The following BLTP2 variants were observed in gnomAD, a reference collection of about 807,000 sequenced individuals.
The protein encoded by BLTP2 is U937-associated antigen.
the BLTP2 span, chr17:28,644,308 C>G: frequency 9.3e-7 from 1 of 1,070,272 alleles, no homozygotes; most frequent in Non-Finnish European, 1.4e-6. Flanking sequence ...AGCAACTCTC[C>G]TTTCTTCCAA....
the BLTP2 span, chr17:28,628,701 G>A: frequency 3.5e-5 from 24 of 687,236 alleles, no homozygotes; most frequent in South Asian, 1.8e-4. Context: ...TTGGGAGGCC[G>A]AAGTGGGCAA....
chr17:28,617,170 C>A, the BLTP2 span: 2 of 1,394,000 alleles, frequency 1.4e-6, no homozygotes, highest in Non-Finnish European at 2.0e-6. Context: ...ACTGAAGGGC[C>A]GTTATAAATG....
the BLTP2 span, chr17:28,643,494 C>T: frequency 7.4e-7 from 1 of 1,357,634 alleles, no homozygotes; most frequent in Non-Finnish European, 1.0e-6. Flanking sequence ...AGGAAGACTT[C>T]AGCAACAACC....
the BLTP2 span, chr17:28,617,014 G>A: frequency 6.3e-7 from 1 of 1,577,616 alleles, no homozygotes; most frequent in South Asian, 1.1e-5. Context: ...AGGATAGAGA[G>A]TAAAGAAGAG....
the BLTP2 span, among the ~76,000 whole-genome samples, chr17:28,630,957 T>A: frequency 6.6e-6 from 1 of 152,198 alleles, no homozygotes; most frequent in Admixed American, 6.5e-5. Flanking sequence ...AAAAGAAGGA[T>A]GCTGATACAG....
At chr17:28,618,044 T>C in the BLTP2 span, among the ~76,000 whole-genome samples, 13 of 150,974 alleles carry the variant, frequency 8.6e-5, no homozygotes, top group African/African-American at 3.2e-4. Context: ...ACGATTCTCC[T>C]GCCTCAGCCT....
At chr17:28,620,740 G>A in the BLTP2 span, 1 of 1,258,656 alleles carries the variant, frequency 7.9e-7, no homozygotes, top group South Asian at 1.4e-5. Context: ...CACAGAAAGG[G>A]TGAGAGTTGC....
At chr17:28,642,880 A>G in the BLTP2 span, 1 of 1,588,594 alleles carries the variant, frequency 6.3e-7, no homozygotes, top group Admixed American at 1.7e-5. Context: ...TTTTCCCATC[A>G]CTATCCAAAA....
the BLTP2 span, chr17:28,644,145 C>G: frequency 6.2e-7 from 1 of 1,614,254 alleles, no homozygotes; most frequent in Non-Finnish European, 8.5e-7. Context: ...CCGCCTGCAG[C>G]TTCCGCTGAC....
chr17:28,631,890 T>C, the BLTP2 span: 35 of 1,614,116 alleles, frequency 2.2e-5, no homozygotes, highest in East Asian at 8.9e-5. Context: ...GGATGCCCCG[T>C]TGCTGGGCAA....
chr17:28,643,590 T>A, the BLTP2 span: 1 of 1,607,226 alleles, frequency 6.2e-7, no homozygotes, highest in Non-Finnish European at 8.5e-7. Context: ...AGGGGAGAAG[T>A]GAGAATATAG....
chr17:28,616,353 T>A, the BLTP2 span: 3 of 1,614,124 alleles, frequency 1.9e-6, no homozygotes, highest in Non-Finnish European at 2.5e-6. This position sits in a 1 kb window ranked among gnomAD's most constrained non-coding sequence, Gnocchi z 4.8. Context: ...CTCCCATTTT[T>A]CTATCATCAG....
At chr17:28,632,093 G>A in the BLTP2 span, 8 of 1,614,182 alleles carry the variant, frequency 5.0e-6, no homozygotes, top group South Asian at 8.8e-5. Flanking sequence ...TGCTTGTAGT[G>A]CTGACCAAGT....
chr17:28,638,374 C>T, the BLTP2 span: 30 of 1,614,040 alleles, frequency 1.9e-5, no homozygotes, highest in Admixed American at 3.3e-4. Context: ...ACAGTTAGGA[C>T]GCCCCGCTGA....
the BLTP2 span, among the ~76,000 whole-genome samples, chr17:28,640,934 T>C: frequency 2.0e-5 from 3 of 152,238 alleles, no homozygotes; most frequent in Non-Finnish European, 4.4e-5. Context: ...TAGGGCCAAA[T>C]AATTTAAACA....
the BLTP2 span, chr17:28,619,574 GAC>G: frequency 6.4e-7 from 1 of 1,570,910 alleles, no homozygotes; most frequent in Non-Finnish European, 8.7e-7. Context: ...TAGACCTAAA[GAC>G]AGTCAAAACA....
the BLTP2 span, chr17:28,633,582 A>G: frequency 5.0e-6 from 8 of 1,613,968 alleles, no homozygotes; most frequent in East Asian, 1.6e-4. Flanking sequence ...TCGCCTGTTC[A>G]ATGTCCATGT....
the BLTP2 span, chr17:28,634,857 T>C: frequency 1.2e-6 from 2 of 1,613,806 alleles, no homozygotes; most frequent in Non-Finnish European, 1.7e-6. Flanking sequence ...TAGCATCCAG[T>C]AGCTGTAGTC....
the BLTP2 span, chr17:28,621,331 G>C: frequency 6.9e-7 from 1 of 1,457,550 alleles, no homozygotes; most frequent in Non-Finnish European, 9.6e-7. Context: ...AATAGGTAGG[G>C]AAATGAGGTC....
Sources: gnomAD v4.1 joint callset for allele counts (sites outside exome capture counted in the v4.1 genomes callset) on GRCh38, gnomAD v4.1.1 for gene constraint, Gnocchi (gnomAD v3.1) non-coding constraint, MANE v1.5 for transcripts, NCBI Gene and HGNC (gene_info 2026-07-23, HGNC 2026-07-21) for gene names.